The following NSF variants were observed in gnomAD, a reference collection of about 807,000 sequenced individuals.
NSF encodes the protein vesicle-fusing ATPase.
Under a neutral mutation model 50.3 loss-of-function variants are expected in NSF, and 14 were observed. The ratio of observed to expected loss-of-function variants is 0.28; its 90% confidence interval spans 0.18 to 0.44. NSF has a LOEUF of 0.44. Ranked by LOEUF, NSF falls within the 20% of genes least tolerant of loss-of-function variation. The pLI is 1.00. For synonymous variants in NSF, 109 were observed against 175.7 expected (o/e 0.62, Z 3.00); for missense variants, 218 against 504.3 (o/e 0.43, Z 5.44).
intron 13 of NSF, among the ~76,000 whole-genome samples, chr17:46,708,470 A>G (rs2058678823): frequency 6.7e-6 from 1 of 149,044 alleles, no homozygotes; most frequent in African/African-American, 2.5e-5. Context: ...TCATATGCTT[A>G]TCAACCATTT....
chr17:46,751,012 T>G (rs1025572758), intron 18 of NSF, among the ~76,000 whole-genome samples: 1 of 152,200 alleles, frequency 6.6e-6, no homozygotes, highest in Admixed American at 6.5e-5. Flanking sequence ...TTGGAAAATA[T>G]TATCTACTGA....
chr17:46,716,388 C>T (rs1280227894), intron 15 of NSF, among the ~76,000 whole-genome samples: 2 of 151,954 alleles, frequency 1.3e-5, no homozygotes, highest in Non-Finnish European at 2.9e-5. Flanking sequence ...TCCCAAGTAG[C>T]TGGGACTACA....
intron 16 of NSF, 107 bp from the exon 17 acceptor site, chr17:46,728,748 G>A: frequency 1.5e-6 from 1 of 646,902 alleles, no homozygotes; most frequent in Non-Finnish European, 2.5e-6. Flanking sequence ...TTCTGCTTAT[G>A]TAGGGACTGT....
intron 17 of NSF, among the ~76,000 whole-genome samples, chr17:46,746,571 C>T (rs1008613719): frequency 2.0e-5 from 3 of 151,968 alleles, no homozygotes; most frequent in African/African-American, 4.8e-5. Flanking sequence ...TTACTGAAGA[C>T]TTATCTATGG....
chr17:46,755,681 A>G lies in NSF; in HGVS notation c.2214-121A>G, dbSNP rs146701219. 3.7e-6 allele frequency: 4 copies of G among 1,092,666 alleles called. No individual in the cohort carries two copies. The East Asian group carries it at 7.5e-5, about 21-fold the overall frequency. The allele number at this position is 1,092,666 out of a possible 1,614,324, so 67.7% of individuals were successfully genotyped here. ...GAAGTGCTCATCTAATAGCAAATGCATAGTGGGAAATGTAGGATAACCATT... is the reference window on the plus strand; with the variant it reads ...GAAGTGCTCATCTAATAGCAAATGCGTAGTGGGAAATGTAGGATAACCATT... On this transcript the variant is annotated intron_variant, in intron 20 of 20. Coordinates refer to ENST00000398238, the MANE Select transcript of NSF (RefSeq NM_006178.4).
At chr17:46,666,642 GA>G (rs1004751118) in intron 8 of NSF, among the ~76,000 whole-genome samples, 4 of 21,842 alleles carry the variant, frequency 1.8e-4, no homozygotes, top group African/African-American at 6.0e-4. Context: ...ATATACGTGA[GA>G]ACATCTGATT....
chr17:46,711,384 C>T (rs916815007), intron 14 of NSF, among the ~76,000 whole-genome samples: 1 of 152,102 alleles, frequency 6.6e-6, no homozygotes, highest in Non-Finnish European at 1.5e-5. Context: ...CTGAATGATG[C>T]CACTTAGCCT....
chr17:46,716,059 CTTAGAAATATA>C (rs1036951908), intron 15 of NSF, among the ~76,000 whole-genome samples: 9 of 152,074 alleles, frequency 5.9e-5, no homozygotes, highest in Admixed American at 1.3e-4. Context: ...GCATAGGTTT[CTTAGAAATATA>C]TTAGAAATAT....
At chr17:46,746,836 A>G (rs967142637) in intron 17 of NSF, among the ~76,000 whole-genome samples, 1 of 152,202 alleles carries the variant, frequency 6.6e-6, no homozygotes, top group African/African-American at 2.4e-5. Flanking sequence ...GGATAGTAGT[A>G]GTACTGAATT....
intron 20 of NSF, 93 bp downstream of exon 20, chr17:46,755,462 T>G: frequency 9.3e-7 from 1 of 1,080,834 alleles, no homozygotes; most frequent in Non-Finnish European, 1.4e-6. Context: ...CTAGATAAGT[T>G]TGTTTCCATT....
intron 1 of NSF, among the ~76,000 whole-genome samples, chr17:46,598,849 A>G (rs2057888081): frequency 6.8e-6 from 1 of 148,114 alleles, no homozygotes; most frequent in African/African-American, 2.5e-5. Flanking sequence ...CAAATACTAT[A>G]AAGTGTTTGG....
intron 17 of NSF, 59 bp downstream of exon 17, chr17:46,728,993 A>G (rs1468776768): frequency 9.7e-7 from 1 of 1,030,778 alleles, no homozygotes. Flanking sequence ...TAAATCGCAT[A>G]TAATGATACA....
chr17:46,715,052 C>T (rs2058755042), intron 15 of NSF, among the ~76,000 whole-genome samples: 1 of 152,198 alleles, frequency 6.6e-6, no homozygotes, highest in Non-Finnish European at 1.5e-5. Context: ...AGAAGCTAGT[C>T]TCTTGTTTGT....
At chr17:46,746,628 C>T (rs2059131772) in intron 17 of NSF, among the ~76,000 whole-genome samples, 1 of 152,004 alleles carries the variant, frequency 6.6e-6, no homozygotes, top group Non-Finnish European at 1.5e-5. Flanking sequence ...AAAACTTATT[C>T]CTTTTTCATT....
chr17:46,721,517 G>T, intron 15 of NSF: 1 of 991,682 alleles, frequency 1.0e-6, no homozygotes. Context: ...TAATAGAACT[G>T]GGCTGACTAT....
At chr17:46,729,929 G>C (rs749345387) in intron 17 of NSF, among the ~76,000 whole-genome samples, 1 of 152,052 alleles carries the variant, frequency 6.6e-6, no homozygotes, top group African/African-American at 2.4e-5. Context: ...CAACATATGT[G>C]TACTGTGGAA....
At chr17:46,609,823 GTTTC>G (rs1170642710) in intron 1 of NSF, among the ~76,000 whole-genome samples, 1 of 128,770 alleles carries the variant, frequency 7.8e-6, no homozygotes, top group Non-Finnish European at 1.7e-5. Context: ...GTGTCTCACT[GTTTC>G]TTTTTTTTTT....
Position 46,722,122 on chromosome 17 carries a change from G to A in NSF, c.1762-4427G>A, listed in dbSNP as rs1057039434. The A allele has an allele frequency of 7.4e-6, 12 of 1,611,714 alleles. No individual in the cohort carries two copies. The African/African-American group carries it at 1.5e-4, about 20-fold the overall frequency. On this transcript the variant is annotated intron_variant, in intron 15 of 20. Coordinates refer to ENST00000398238, the MANE Select transcript of NSF (RefSeq NM_006178.4). ...AGATGGCCGGACTCGAACTCGTCCG[G>A]CTTCTCGCCATTGGGCTTCACGATC... is the stretch of plus-strand genomic sequence containing the variant.
intron 15 of NSF, among the ~76,000 whole-genome samples, chr17:46,716,139 A>T (rs1598708319): frequency 6.6e-6 from 1 of 152,358 alleles, no homozygotes; most frequent in Admixed American, 6.5e-5. Flanking sequence ...GGTTGACAAA[A>T]GCCTGAGGGG....
Sources: allele counts gnomAD v4.1 joint callset (sites outside exome capture counted in the v4.1 genomes callset), GRCh38; gene constraint gnomAD v4.1.1; transcripts MANE v1.5; gene names NCBI Gene and HGNC (gene_info 2026-07-23, HGNC 2026-07-21).